Variants in ZMYND11 observed in about 807,000 individuals in gnomAD.
ZMYND11 encodes the protein zinc finger MYND domain-containing protein 11.
ZMYND11 carries 9 observed loss-of-function variants against 84.9 expected under a neutral mutation model. That is an observed-to-expected ratio of 0.11 (90% CI 0.06 to 0.18). The LOEUF is 0.18. Among genes scored for constraint, ZMYND11 ranks in the 10% least tolerant of loss-of-function variants. The pLI is 1.00. For synonymous variants in ZMYND11, 250 were observed against 244.1 expected (o/e 1.02, Z -0.23); for missense variants, 409 against 761.0 (o/e 0.54, Z 5.44).
intron 2 of ZMYND11, among the ~76,000 whole-genome samples, chr10:193,764 G>C (rs2130951329): frequency 6.6e-6 from 1 of 152,206 alleles, no homozygotes; most frequent in East Asian, 1.9e-4. Flanking sequence ...TTCCATCATT[G>C]ATTTGCCTAC....
intron 2 of ZMYND11, among the ~76,000 whole-genome samples, chr10:184,400 T>C (rs752004001): frequency 3.3e-5 from 5 of 152,152 alleles, no homozygotes; most frequent in Non-Finnish European, 7.4e-5. Flanking sequence ...CTTTTCATCT[T>C]TTTTCTTTTT....
intron 4 of ZMYND11, among the ~76,000 whole-genome samples, chr10:222,308 A>T (rs921654394): frequency 7.2e-5 from 11 of 152,178 alleles, no homozygotes; most frequent in African/African-American, 2.7e-4. Context: ...CTAGTCTTCT[A>T]ACTGGCTTTG....
At chr10:245,578 G>A (rs948943501) in intron 10 of ZMYND11, among the ~76,000 whole-genome samples, 3 of 152,196 alleles carry the variant, frequency 2.0e-5, no homozygotes, top group Non-Finnish European at 2.9e-5. Flanking sequence ...CGTAGAAAAT[G>A]TCTGTTACTC....
At chr10:166,857 A>G (rs544017080) in intron 1 of ZMYND11, among the ~76,000 whole-genome samples, 2 of 152,290 alleles carry the variant, frequency 1.3e-5, no homozygotes, top group African/African-American at 4.8e-5. Flanking sequence ...GTGTCCATCA[A>G]CAGTTGAGTG....
chr10:159,193 G>A (rs1842458610), intron 1 of ZMYND11, among the ~76,000 whole-genome samples: 1 of 146,864 alleles, frequency 6.8e-6, no homozygotes, highest in Non-Finnish European at 1.5e-5. Context: ...GTTCCTTATT[G>A]ATTTACTATT....
intron 4 of ZMYND11, among the ~76,000 whole-genome samples, chr10:231,954 G>A (rs75929376): frequency 0.02 from 2,981 of 152,258 alleles, 92 homozygotes; most frequent in African/African-American, 0.068. Context: ...TATGCCACCA[G>A]GTGATACGAA....
At chr10:196,137 T>C (rs1041368725) in intron 2 of ZMYND11, among the ~76,000 whole-genome samples, 24 of 152,234 alleles carry the variant, frequency 1.6e-4, no homozygotes, top group Admixed American at 1.3e-3. Context: ...AGTCAGCTGT[T>C]TCTTTTTGGC....
In ZMYND11 at chr10:240,896, G is replaced by T. The variant is rs750575464; in HGVS notation, c.757G>T (p.Asp253Tyr). ...AGTAGTTTCTTTTCTTTTTCAGCTG[G>T]ATGAACTGCAGCTTTGCAAGAATTG... The part of the protein sequence containing the change: ...MLYKDTCHEL[D>Y]ELQLCKNCFY... The change falls in exon 9 of 15, where the codon GAT (aspartate) becomes TAT (tyrosine). Residue 253 changes from aspartate to tyrosine, a missense_variant. Physicochemically the swap from Asp to Tyr is radical, Grantham distance 160. Transcript: ENST00000381604. 1 of 1,612,788 alleles carries T rather than the reference G, an allele frequency of 6.2e-7. No individual in the cohort carries two copies. Among genetic ancestry groups the T allele is most frequent in the South Asian group, 1.1e-5 (1 of 90,790 alleles).
At chr10:133,627 G>A (rs1835386719), upstream of ZMYND11, among the ~76,000 whole-genome samples, 1 of 152,104 alleles carries the variant, frequency 6.6e-6, no homozygotes, top group Non-Finnish European at 1.5e-5. Flanking sequence ...AAAATACACA[G>A]AACCATGCAG....
chr10:152,471 T>G (rs4369322), intron 1 of ZMYND11, among the ~76,000 whole-genome samples: 96,822 of 152,026 alleles, frequency 0.64, 31,059 homozygotes, highest in East Asian at 0.83. Context: ...GACAAAGCCA[T>G]TACATATTGG....
At chr10:218,460 T>C (rs1056029297) in intron 3 of ZMYND11, 30 of 382,822 alleles carry the variant, frequency 7.8e-5, no homozygotes, top group African/African-American at 5.7e-4. Flanking sequence ...GAAAGGCCTA[T>C]AGTATGCAGC....
rs373739608 is a variant in ZMYND11 at position 239,406 on chromosome 10, CTT to C, written c.610-29_610-28del. 1.2e-4 allele frequency: 188 copies of C among 1,584,932 alleles called. 1 individual carries two copies. Among genetic ancestry groups the C allele is most frequent in the African/African-American group, 1.2e-3 (86 of 74,180 alleles). On this transcript the variant is annotated intron_variant, in intron 6 of 14. Transcript: ENST00000381604. ...CAGACAAGTATTTTTACTGGTAACT[CTT>C]TTCGTCATTCTGTTTTTTGCCCTCT...
At chr10:230,092 C>T (rs941915939) in intron 4 of ZMYND11, among the ~76,000 whole-genome samples, 8 of 152,016 alleles carry the variant, frequency 5.3e-5, no homozygotes, top group African/African-American at 7.2e-5. Flanking sequence ...ATCCCTAAAA[C>T]GATATAAGTA....
In ZMYND11 at chr10:168,173, A is replaced by G. The variant is rs556610824; in HGVS notation, c.-19-11821A>G. Among the ~76,000 whole-genome samples the G allele has an allele frequency of 2.6e-4, 40 of 152,284 alleles. No homozygotes were observed. The East Asian group carries it at 7.0e-3, about 26-fold the overall frequency. ...GGCAGACAATACTACATATGCAATA[A>G]TTGTATAGGAATCAATGATAACATG... On this transcript the variant is annotated intron_variant, in intron 1 of 14. Coordinates refer to ENST00000381604, the MANE Select transcript of ZMYND11 (RefSeq NM_001370100.5).
intron 10 of ZMYND11, among the ~76,000 whole-genome samples, chr10:245,229 A>G (rs1951873989): frequency 6.6e-6 from 1 of 152,232 alleles, no homozygotes; most frequent in Admixed American, 6.5e-5. Flanking sequence ...CAATATATTC[A>G]TAAATAATGT....
Position 248,921 on chromosome 10 carries a change from G to A in ZMYND11, c.1519G>A (p.Glu507Lys). The A allele has an allele frequency of 6.2e-7, 1 of 1,612,796 alleles. No homozygotes were observed. The highest frequency in any genetic ancestry group is 8.5e-7 in the Non-Finnish European group (1 of 1,179,244). ...ATTCCAGCTGCGTTCTGAAATGGAA[G>A]AAGAAAAGAGACAAGCTGTAAATAA... ...ALEKLRSEME[E>K]EKRQAVNKAV... Residue 507 changes from glutamate to lysine, a missense_variant, in exon 14 of 15, where the codon GAA becomes AAA. Around this residue, in one of 7 missense-constraint regions of ZMYND11, gnomAD observed 141 missense variants for 173.8 expected, o/e 0.81. Transcript: ENST00000381604.
At chr10:136,200 GAGCT>G (rs1204187796) in intron 1 of ZMYND11, among the ~76,000 whole-genome samples, 33 of 152,250 alleles carry the variant, frequency 2.2e-4, no homozygotes, top group African/African-American at 7.7e-4. Flanking sequence ...CTCCCACCCA[GAGCT>G]CCGGGGAGAA....
chr10:153,841 C>T (rs1474764510), intron 1 of ZMYND11, among the ~76,000 whole-genome samples: 5 of 152,160 alleles, frequency 3.3e-5, no homozygotes, highest in Non-Finnish European at 7.4e-5. Flanking sequence ...TAACCCATTC[C>T]CTGTGTAACC....
intron 1 of ZMYND11, among the ~76,000 whole-genome samples, chr10:173,991 T>C (rs1845982218): frequency 6.6e-6 from 1 of 152,144 alleles, no homozygotes; most frequent in Non-Finnish European, 1.5e-5. Flanking sequence ...GGGAAGACAG[T>C]TTGGCAGGTT....
Sources: gnomAD v4.1 joint callset for allele counts (sites outside exome capture counted in the v4.1 genomes callset) on GRCh38, gnomAD v4.1.1 for gene constraint, gnomAD v4.1.1 regional missense constraint, MANE v1.5 for transcripts, NCBI Gene and HGNC (gene_info 2026-07-23, HGNC 2026-07-21) for gene names.